The following BABAM2 variants were observed in gnomAD, a reference collection of about 807,000 sequenced individuals.
The protein encoded by BABAM2 is BRISC and BRCA1-A complex member 2.
Under a neutral mutation model 54.7 loss-of-function variants are expected in BABAM2, and 31 were observed. The observed-to-expected ratio is 0.57, with a 90% confidence interval of 0.43 to 0.77. The LOEUF is 0.77. Among genes scored for constraint, BABAM2 ranks in the 30% least tolerant of loss-of-function variants. The pLI is 0.00. For synonymous variants in BABAM2, 167 were observed against 162.9 expected (o/e 1.03, Z -0.19); for missense variants, 364 against 455.8 (o/e 0.80, Z 1.83).
Position 27,900,870 on chromosome 2 carries a change from C to T in BABAM2, c.128+6186C>T, listed in dbSNP as rs867018418. ...CATCCTGGCTAACACGGTGAAACCC[C>T]GTCTCTACTAAAAATACAAAAAATT... On this transcript the variant is annotated intron_variant, in intron 2 of 11. Coordinates refer to ENST00000379624, the MANE Select transcript of BABAM2 (RefSeq NM_199191.3). Among the ~76,000 whole-genome samples, 10 of 151,912 alleles carry T rather than the reference C, an allele frequency of 6.6e-5. No homozygotes were observed. The Middle Eastern group carries it at 0.014, about 207-fold the overall frequency.
chr2:28,240,870 C>CAAAAAAAAAAAAAAAAAAAAAAAAGAA (rs56247120), intron 8 of BABAM2, among the ~76,000 whole-genome samples: 1 of 109,156 alleles, frequency 9.2e-6, no homozygotes, highest in African/African-American at 3.3e-5. Flanking sequence ...GACTCTGTCT[C>CAAAAAAAAAAAAAAAAAAAAAAAAGAA]AAAAAAAAAA....
intron 6 of BABAM2, among the ~76,000 whole-genome samples, chr2:28,089,120 C>T (rs895939666): frequency 6.6e-6 from 1 of 151,972 alleles, no homozygotes; most frequent in Non-Finnish European, 1.5e-5. Context: ...TTTACGAACT[C>T]TCCTGGCCCC....
chr2:28,241,585 C>T (rs1682436825), intron 9 of BABAM2, among the ~76,000 whole-genome samples, 192 bp downstream of exon 9: 1 of 152,112 alleles, frequency 6.6e-6, no homozygotes, highest in Admixed American at 6.5e-5. Context: ...ACCTCCACTT[C>T]CCGAGTTCAA....
intron 3 of BABAM2, among the ~76,000 whole-genome samples, chr2:27,943,824 C>A (rs1669100637): frequency 6.6e-6 from 1 of 152,074 alleles, no homozygotes; most frequent in Admixed American, 6.6e-5. Context: ...AGGCAGGTCA[C>A]CTTTGATTTA....
At chr2:28,334,898 C>T (rs1188514020) in intron 11 of BABAM2, among the ~76,000 whole-genome samples, 1 of 152,150 alleles carries the variant, frequency 6.6e-6, no homozygotes, top group Non-Finnish European at 1.5e-5. Context: ...ACCACAGCAC[C>T]CCTTTTGCAT....
chr2:27,931,474 T>C lies in BABAM2; in HGVS notation c.205+1566T>C, dbSNP rs115643768. On this transcript the variant is annotated intron_variant, in intron 3 of 11. Transcript: ENST00000379624. ...ATCAGTTTTAGACATTGTTATCTTT[T>C]GACTTCCTGCGCTGATACATGAAGC... is the stretch of plus-strand genomic sequence containing the variant. Among the ~76,000 whole-genome samples the C allele has an allele frequency of 6.8e-3, 1,029 of 152,302 alleles. 11 individuals carry two copies. Among genetic ancestry groups the C allele is most frequent in the African/African-American group, 0.023 (976 of 41,546 alleles).
chr2:27,995,589 T>C lies in BABAM2; in HGVS notation c.300+7502T>C, dbSNP rs533455977. Among the ~76,000 whole-genome samples, 16 of 152,270 alleles carry C rather than the reference T, an allele frequency of 1.1e-4. No homozygotes were observed. Among genetic ancestry groups the C allele is most frequent in the Non-Finnish European group, 2.1e-4 (14 of 68,016 alleles). On this transcript the variant is annotated intron_variant, in intron 4 of 11. Coordinates refer to ENST00000379624, the MANE Select transcript of BABAM2 (RefSeq NM_199191.3). The surrounding 1 kb of genome is among the most constrained non-coding windows in gnomAD (Gnocchi z 4.1). ...CCTCATGAGTTCTTTTTTGTTTGTT[T>C]GTTTTTCTTAGATGGAGTCTTGCTC...
chr2:28,322,950 C>G lies in BABAM2; in HGVS notation c.1089-15500C>G, dbSNP rs1690145386. ...GATAATATCCCCACATACCTCTGAG[C>G]AGAAAAGAAAGCCAGCCCAAGGCAG... On this transcript the variant is annotated intron_variant, in intron 11 of 11. Coordinates refer to ENST00000379624, the MANE Select transcript of BABAM2 (RefSeq NM_199191.3). This position sits in a 1 kb window ranked among gnomAD's most constrained non-coding sequence, Gnocchi z 4.1. Among the ~76,000 whole-genome samples the G allele has an allele frequency of 6.6e-6, 1 of 152,230 alleles. No individual in the cohort carries two copies.
In BABAM2 at chr2:28,222,386, A is replaced by G. The variant is rs538606506; in HGVS notation, c.681-14816A>G. 3.3e-5 allele frequency among the ~76,000 whole-genome samples: 5 copies of G among 152,298 alleles called. No individual in the cohort carries two copies. In the East Asian group the frequency reaches 9.7e-4, roughly 29 times the overall value. ...TCCCATTTGCCATACAGGGTAAAAC[A>G]GTCATAGCTTCCAGAAGTGAAGCTA... On this transcript the variant is annotated intron_variant, in intron 7 of 11. Transcript: ENST00000379624.
chr2:27,990,481 A>C (rs1672703922), intron 4 of BABAM2, among the ~76,000 whole-genome samples: 2 of 152,188 alleles, frequency 1.3e-5, no homozygotes, highest in South Asian at 4.1e-4. Context: ...TTCTGAATGA[A>C]GGGGGAATAC....
intron 2 of BABAM2, among the ~76,000 whole-genome samples, chr2:27,924,525 C>G (rs1667546595): frequency 6.6e-6 from 1 of 152,044 alleles, no homozygotes; most frequent in South Asian, 2.1e-4. Context: ...GCTGGGACTA[C>G]AGGCATGCAC....
intron 3 of BABAM2, among the ~76,000 whole-genome samples, chr2:27,945,980 A>G (rs1472586010): frequency 5.9e-5 from 9 of 152,152 alleles, no homozygotes; most frequent in Non-Finnish European, 1.0e-4. Flanking sequence ...ATAGTTTTGT[A>G]TCTTCCTTTC....
rs571493988 is a variant in BABAM2 at position 27,891,706 on chromosome 2, C to T, written c.-25+864C>T. Among the ~76,000 whole-genome samples the T allele has an allele frequency of 3.6e-5, 4 of 111,874 alleles. No individual in the cohort carries two copies. In the Admixed American group the frequency reaches 4.7e-4, roughly 13 times the overall value. The allele number at this position is 111,874 out of a possible 152,430, so 73.4% of individuals were successfully genotyped here. On this transcript the variant is annotated intron_variant, in intron 1 of 11. Coordinates refer to ENST00000379624, the MANE Select transcript of BABAM2 (RefSeq NM_199191.3). ...TGTGTTCCACTCCCCACCCCCCGCCCTTTTTTTTTAGAGAAGTCACACCTC... is the reference window on the plus strand; with the variant it reads ...TGTGTTCCACTCCCCACCCCCCGCCTTTTTTTTTTAGAGAAGTCACACCTC...
At chr2:28,025,022 C>G (rs947128307) in intron 4 of BABAM2, among the ~76,000 whole-genome samples, 1 of 152,102 alleles carries the variant, frequency 6.6e-6, no homozygotes, top group African/African-American at 2.4e-5. Context: ...AATTTTTCTG[C>G]AAGGATTTTT....
At chr2:28,326,924 TTC>T (rs1690511737) in intron 11 of BABAM2, among the ~76,000 whole-genome samples, 1 of 1,780 alleles carries the variant, frequency 5.6e-4, no homozygotes, top group Non-Finnish European at 0.013. Flanking sequence ...TCCTTTTTCC[TTC>T]TATTAATTAC....
intron 11 of BABAM2, chr2:28,310,049 T>C (rs767763357): frequency 6.2e-7 from 1 of 1,606,774 alleles, no homozygotes; most frequent in Non-Finnish European, 8.5e-7. Context: ...TTGAAAAGTA[T>C]CTTAAAGGGA....
At chr2:28,323,568 A>G (rs914164242) in intron 11 of BABAM2, among the ~76,000 whole-genome samples, 1 of 152,230 alleles carries the variant, frequency 6.6e-6, no homozygotes, top group African/African-American at 2.4e-5. Flanking sequence ...TCTGGGGTAC[A>G]GAGAGGTGAA....
At chr2:27,954,456 ATTCCCT>A (rs1026791633) in intron 3 of BABAM2, among the ~76,000 whole-genome samples, 2 of 152,218 alleles carry the variant, frequency 1.3e-5, no homozygotes, top group African/African-American at 4.8e-5. Flanking sequence ...GTTTTCAAAC[ATTCCCT>A]TTATAAAGGT....
chr2:28,233,333 G>A, intron 7 of BABAM2: 1 of 467,430 alleles, frequency 2.1e-6, no homozygotes, highest in Middle Eastern at 3.5e-4. Flanking sequence ...TGTCTTGAGT[G>A]AGCCCTGGAA....
Sources: allele counts gnomAD v4.1 joint callset (sites outside exome capture counted in the v4.1 genomes callset), GRCh38; gene constraint gnomAD v4.1.1; non-coding constraint Gnocchi (gnomAD v3.1); transcripts MANE v1.5; gene names NCBI Gene and HGNC (gene_info 2026-07-23, HGNC 2026-07-21).